The following NEGR1 variants were observed in gnomAD, a reference collection of about 807,000 sequenced individuals.
NEGR1 encodes the protein IgLON family member 4.
NEGR1 carries 10 observed loss-of-function variants against 40.9 expected under a neutral mutation model. The ratio of observed to expected loss-of-function variants is 0.24; its 90% confidence interval spans 0.15 to 0.42. The LOEUF (loss-of-function observed/expected upper bound fraction) is 0.42. NEGR1 is among the 10% of genes least tolerant of loss of function. The pLI, the probability that NEGR1 is intolerant of heterozygous loss-of-function variation, is 1.00. For missense variants in NEGR1, 352 were observed against 438.9 expected (o/e 0.80, Z 1.77); for synonymous variants, 185 against 166.8 (o/e 1.11, Z -0.84).
chr1:72,176,112 G>C (rs1342651637), intron 1 of NEGR1, among the ~76,000 whole-genome samples: 1 of 151,962 alleles, frequency 6.6e-6, no homozygotes, highest in Non-Finnish European at 1.5e-5. Context: ...AAATTAATAG[G>C]AAAGTTAATA....
chr1:71,418,394 TCCTCTG>T (rs1260266630), intron 6 of NEGR1, among the ~76,000 whole-genome samples: 2 of 151,702 alleles, frequency 1.3e-5, no homozygotes, highest in Non-Finnish European at 2.9e-5. Context: ...GCTCACTGCA[TCCTCTG>T]CCTCTCGGGT....
intron 6 of NEGR1, among the ~76,000 whole-genome samples, chr1:71,573,194 A>G (rs1473887708): frequency 6.6e-6 from 1 of 152,216 alleles, no homozygotes; most frequent in Non-Finnish European, 1.5e-5. Context: ...CTACATGAAT[A>G]GAATAGATAA....
chr1:71,999,557 T>C (rs1016612942), intron 1 of NEGR1, among the ~76,000 whole-genome samples: 3 of 147,076 alleles, frequency 2.0e-5, no homozygotes, highest in African/African-American at 7.5e-5. Flanking sequence ...AATTCTGTCT[T>C]CTGAAAATTT....
intron 1 of NEGR1, among the ~76,000 whole-genome samples, chr1:71,940,799 T>C (rs1218929801): frequency 1.3e-5 from 2 of 152,148 alleles, no homozygotes; most frequent in African/African-American, 4.8e-5. Flanking sequence ...AAATAGCATA[T>C]TTAGGGTATT....
At chr1:71,668,308 G>T (rs543333863) in intron 4 of NEGR1, among the ~76,000 whole-genome samples, 11 of 152,260 alleles carry the variant, frequency 7.2e-5, no homozygotes, top group Admixed American at 5.9e-4. Context: ...TAGAGGAAGA[G>T]CCAGGTAATT....
In NEGR1 at chr1:71,869,615, G is replaced by A. The variant is rs1202100177; in HGVS notation, c.409+65464C>T. On this transcript the variant is annotated intron_variant, in intron 2 of 6. Transcript: ENST00000357731. The stretch of plus-strand genomic sequence containing the variant: ...GAGGTAATAGCATATTATGGAAAAA[G>A]TAGCTAAACAGAGTAGAAGTTGGAA... Among the ~76,000 whole-genome samples, 3 of 151,984 alleles carry A rather than the reference G, an allele frequency of 2.0e-5. No individual in the cohort carries two copies. The East Asian group carries it at 5.8e-4, about 29-fold the overall frequency.
intron 1 of NEGR1, among the ~76,000 whole-genome samples, chr1:72,275,486 AC>A (rs1259660748): frequency 3.3e-5 from 5 of 152,090 alleles, no homozygotes; most frequent in East Asian, 1.9e-4. Flanking sequence ...GGGAAAAAAA[AC>A]AATAAATTTT....
intron 1 of NEGR1, among the ~76,000 whole-genome samples, chr1:71,968,117 C>G (rs1646225281): frequency 6.6e-6 from 1 of 152,160 alleles, no homozygotes; most frequent in African/African-American, 2.4e-5. Context: ...TATTTACTCT[C>G]TCTAAAGTCT....
intron 5 of NEGR1, 113 bp from the exon 6 acceptor site, chr1:71,593,081 T>A: frequency 1.6e-6 from 1 of 639,140 alleles, no homozygotes; most frequent in Non-Finnish European, 2.8e-6. Context: ...ACGCTGACGT[T>A]AGCATATAAC....
chr1:71,410,791 AG>A (rs956602845), intron 6 of NEGR1, among the ~76,000 whole-genome samples: 5 of 152,142 alleles, frequency 3.3e-5, no homozygotes, highest in Non-Finnish European at 5.9e-5. Flanking sequence ...ATGATACTCA[AG>A]TTAAGGGTCT....
intron 1 of NEGR1, among the ~76,000 whole-genome samples, chr1:72,135,173 G>A (rs1335480371): frequency 6.7e-6 from 1 of 150,232 alleles, no homozygotes; most frequent in Non-Finnish European, 1.5e-5. Flanking sequence ...TCAGGAGATC[G>A]AGACCATCCC....
chr1:71,868,078 C>A (rs946017762), intron 2 of NEGR1, among the ~76,000 whole-genome samples: 1 of 152,082 alleles, frequency 6.6e-6, no homozygotes, highest in African/African-American at 2.4e-5. Flanking sequence ...CAATGTCTTC[C>A]TTTTAGTGGC....
chr1:71,578,188 C>T (rs982084096), intron 6 of NEGR1, among the ~76,000 whole-genome samples: 3 of 152,078 alleles, frequency 2.0e-5, no homozygotes, highest in Non-Finnish European at 4.4e-5. Context: ...TGTGTTAAGC[C>T]ATCTCAGCTC....
chr1:71,910,885 G>A (rs1051844153), intron 2 of NEGR1, among the ~76,000 whole-genome samples: 1 of 151,650 alleles, frequency 6.6e-6, no homozygotes. Context: ...TTTTGTAGAG[G>A]GTAGGTTTCA....
At chr1:71,501,674 A>G (rs1285242719) in intron 6 of NEGR1, among the ~76,000 whole-genome samples, 1 of 152,212 alleles carries the variant, frequency 6.6e-6, no homozygotes, top group Non-Finnish European at 1.5e-5. Context: ...TGACATGTCA[A>G]AGAATGCCAA....
intron 5 of NEGR1, among the ~76,000 whole-genome samples, chr1:71,610,616 C>T (rs989698020): frequency 2.0e-5 from 3 of 152,074 alleles, no homozygotes; most frequent in African/African-American, 7.2e-5. Context: ...GAGAATAAGG[C>T]AGGTGAAAGG....
intron 1 of NEGR1, among the ~76,000 whole-genome samples, chr1:72,013,439 C>T (rs1403169710): frequency 6.6e-6 from 1 of 152,106 alleles, no homozygotes; most frequent in Non-Finnish European, 1.5e-5. Flanking sequence ...CTTGAGGCTG[C>T]TTCTAACTTC....
At chr1:71,434,309 C>T (rs1325633546) in intron 6 of NEGR1, among the ~76,000 whole-genome samples, 1 of 152,116 alleles carries the variant, frequency 6.6e-6, no homozygotes, top group East Asian at 1.9e-4. Flanking sequence ...GCAGACTGTG[C>T]ATAGTGCTAC....
chr1:71,548,322 T>A (rs778441045), intron 6 of NEGR1, among the ~76,000 whole-genome samples: 2 of 151,734 alleles, frequency 1.3e-5, no homozygotes, highest in Non-Finnish European at 3.0e-5. Flanking sequence ...ACATTTCTGC[T>A]GCTTTGGGGA....
Sources: allele counts gnomAD v4.1 joint callset (sites outside exome capture counted in the v4.1 genomes callset), GRCh38; gene constraint gnomAD v4.1.1; transcripts MANE v1.5; gene names NCBI Gene and HGNC (gene_info 2026-07-23, HGNC 2026-07-21).